The following DENND1A variants were observed in gnomAD, a reference collection of about 807,000 sequenced individuals.
DENND1A encodes DENN domain-containing protein 1A.
DENND1A carries 51 observed loss-of-function variants against 113.7 expected under a neutral mutation model. The ratio of observed to expected loss-of-function variants is 0.45; its 90% confidence interval spans 0.36 to 0.57. The LOEUF is 0.57. Among genes scored for constraint, DENND1A ranks in the 20% least tolerant of loss-of-function variants. DENND1A has a pLI of 0.00. For synonymous variants in DENND1A, 565 were observed against 570.8 expected (o/e 0.99, Z 0.14); for missense variants, 1,258 against 1,395.9 (o/e 0.90, Z 1.57).
At chr9:123,434,223 C>T (rs1348987968) in intron 19 of DENND1A, among the ~76,000 whole-genome samples, 1 of 152,146 alleles carries the variant, frequency 6.6e-6, no homozygotes, top group East Asian at 1.9e-4. Context: ...GACAGGGTTT[C>T]ACCATGTTGG....
rs763155301 is a variant in DENND1A, at chr9:123,452,386, CAG to C, written c.1228-41_1228-40del. 228 of 1,535,680 alleles carry C rather than the reference CAG, an allele frequency of 1.5e-4. 5 individuals are homozygous for C. The Middle Eastern group carries it at 9.1e-3, about 62-fold the overall frequency. On this transcript the variant is annotated intron_variant, in intron 16 of 23. Transcript: ENST00000394215. ...GTCAATTAGCAATTTGGGCTGAAGA[CAG>C]AGTCATCCAACACCAACAAAGACTG...
At chr9:123,516,107 TACACACACACACACACACACACAC>T (rs199923277) in intron 13 of DENND1A, among the ~76,000 whole-genome samples, 5 of 138,660 alleles carry the variant, frequency 3.6e-5, no homozygotes, top group South Asian at 2.4e-4. Flanking sequence ...TACACACACA[TACACACACACACACACACACACAC>T]ACACACACAC....
intron 21 of DENND1A, among the ~76,000 whole-genome samples, chr9:123,398,400 C>A (rs1204405288): frequency 6.6e-6 from 1 of 151,880 alleles, no homozygotes; most frequent in Non-Finnish European, 1.5e-5. Context: ...TTTGAGACGG[C>A]GTCTCACTCT....
chr9:123,684,817 G>A (rs554618369), intron 5 of DENND1A, among the ~76,000 whole-genome samples: 1 of 152,276 alleles, frequency 6.6e-6, no homozygotes, highest in South Asian at 2.1e-4. Context: ...CTAGGTACAT[G>A]GGGGAATAAG....
At chr9:123,540,791 A>G (rs893448470) in intron 13 of DENND1A, among the ~76,000 whole-genome samples, 3 of 152,226 alleles carry the variant, frequency 2.0e-5, no homozygotes, top group African/African-American at 7.2e-5. Context: ...ACCCTGACAC[A>G]TTGAATTATC....
intron 21 of DENND1A, among the ~76,000 whole-genome samples, chr9:123,402,829 C>G (rs1360320872): frequency 6.6e-6 from 1 of 152,230 alleles, no homozygotes; most frequent in Non-Finnish European, 1.5e-5. Context: ...TCATCTACCC[C>G]ACGCCTCCTG....
chr9:123,667,398 T>G (rs2063542703), intron 7 of DENND1A, among the ~76,000 whole-genome samples: 1 of 152,192 alleles, frequency 6.6e-6, no homozygotes, highest in African/African-American at 2.4e-5. Context: ...GTAGATCACA[T>G]GAGGTCAGGA....
rs115106525 is a variant in DENND1A at position 123,782,293 on chromosome 9, C to A, written c.132+10294G>T. ...GTTCTCAACGCTTTACAAGTTATAC[C>A]GCTAAAACTAGATACTACACAAAGA... On this transcript the variant is annotated intron_variant, in intron 3 of 23. Transcript: ENST00000394215. Among the ~76,000 whole-genome samples, 76 of 152,056 alleles carry A rather than the reference C, an allele frequency of 5.0e-4. 1 individual carries two copies. The South Asian group carries it at 0.015, about 30-fold the overall frequency.
chr9:123,622,182 C>T (rs911998495), intron 10 of DENND1A, among the ~76,000 whole-genome samples: 1 of 152,222 alleles, frequency 6.6e-6, no homozygotes, highest in African/African-American at 2.4e-5. Context: ...GAGCTAGCTA[C>T]TAACTTGGCT....
chr9:123,545,306 G>T (rs559607270), intron 13 of DENND1A, among the ~76,000 whole-genome samples: 7 of 152,208 alleles, frequency 4.6e-5, no homozygotes, highest in Admixed American at 3.3e-4. Context: ...GCACCCCACA[G>T]AAAATCAGTG....
chr9:123,744,785 T>C (rs2069340907), intron 5 of DENND1A, among the ~76,000 whole-genome samples: 1 of 149,902 alleles, frequency 6.7e-6, no homozygotes, highest in African/African-American at 2.5e-5. Context: ...TTTTTTTTTT[T>C]TTTTTTTGAC....
chr9:123,912,400 A>G (rs1854168514), intron 1 of DENND1A, among the ~76,000 whole-genome samples: 1 of 152,200 alleles, frequency 6.6e-6, no homozygotes, highest in Non-Finnish European at 1.5e-5. Flanking sequence ...AGCAACCTGG[A>G]AATGCCAATT....
At chr9:123,552,274 C>A (rs2135919610) in intron 13 of DENND1A, among the ~76,000 whole-genome samples, 1 of 152,294 alleles carries the variant, frequency 6.6e-6, no homozygotes, top group Non-Finnish European at 1.5e-5. Flanking sequence ...TGGGCGAGGG[C>A]AGGGTTCTGC....
intron 8 of DENND1A, among the ~76,000 whole-genome samples, chr9:123,653,282 TACTA>T (rs1224084036): frequency 6.6e-6 from 1 of 152,224 alleles, no homozygotes; most frequent in Non-Finnish European, 1.5e-5. Flanking sequence ...CAGCTCTATA[TACTA>T]ACTACCTATC....
chr9:123,582,050 G>T (rs2058924652), intron 12 of DENND1A, among the ~76,000 whole-genome samples: 1 of 152,204 alleles, frequency 6.6e-6, no homozygotes, highest in Admixed American at 6.5e-5. Context: ...TTGCTCAATA[G>T]AACCCACATT....
chr9:123,562,728 C>G (rs1336301237), intron 12 of DENND1A, among the ~76,000 whole-genome samples: 4 of 152,092 alleles, frequency 2.6e-5, no homozygotes, highest in Non-Finnish European at 5.9e-5. Flanking sequence ...CTTTAATAGT[C>G]AAATTACCCA....
chr9:123,415,029 G>A (rs2044609174), intron 19 of DENND1A, among the ~76,000 whole-genome samples: 1 of 152,214 alleles, frequency 6.6e-6, no homozygotes, highest in Non-Finnish European at 1.5e-5. Flanking sequence ...CTCGGGAAGT[G>A]CTGGCTGTTT....
chr9:123,571,530 T>C (rs1443230842), intron 12 of DENND1A, among the ~76,000 whole-genome samples: 1 of 152,226 alleles, frequency 6.6e-6, no homozygotes, highest in Non-Finnish European at 1.5e-5. Context: ...CTTTCTCTCT[T>C]CTATTTTTAC....
At chr9:123,578,311 A>C (rs1427739859) in intron 12 of DENND1A, among the ~76,000 whole-genome samples, 1 of 152,220 alleles carries the variant, frequency 6.6e-6, no homozygotes, top group Non-Finnish European at 1.5e-5. Flanking sequence ...CCTTTCACTC[A>C]GGGATAACAA....
Sources: allele counts gnomAD v4.1 joint callset (sites outside exome capture counted in the v4.1 genomes callset), GRCh38; gene constraint gnomAD v4.1.1; transcripts MANE v1.5; gene names NCBI Gene and HGNC (gene_info 2026-07-23, HGNC 2026-07-21).